Variants in CDK14 observed in about 807,000 individuals in gnomAD.
CDK14 encodes cyclin dependent kinase 14, also known as cyclin-dependent kinase 14.
A neutral mutation model predicts 60.7 loss-of-function variants in CDK14; 34 were observed. The ratio of observed to expected loss-of-function variants is 0.56; its 90% CI spans 0.43 to 0.75. The LOEUF (loss-of-function observed/expected upper bound fraction) is 0.75. CDK14 is among the 30% of genes least tolerant of loss of function. The probability of loss-of-function intolerance (pLI) is 0.00; values close to 1 mark genes in which losing one functional copy is unlikely to be tolerated. For synonymous variants in CDK14, 197 were observed against 203.7 expected (o/e 0.97, Z 0.28); for missense variants, 482 against 564.1 (o/e 0.85, Z 1.47).
At chr7:91,135,951 C>A (rs2115574717) in intron 14 of CDK14, among the ~76,000 whole-genome samples, 1 of 152,190 alleles carries the variant, frequency 6.6e-6, no homozygotes, top group South Asian at 2.1e-4. Context: ...TAAAACCAAC[C>A]TACACTTGTG....
At chr7:90,770,918 C>G (rs2116891819) in intron 4 of CDK14, among the ~76,000 whole-genome samples, 1 of 152,330 alleles carries the variant, frequency 6.6e-6, no homozygotes, top group East Asian at 1.9e-4. Flanking sequence ...CCTTGGCCCC[C>G]ATCCTTGACA....
chr7:91,034,583 A>G (rs1796858501), intron 10 of CDK14, among the ~76,000 whole-genome samples: 1 of 152,106 alleles, frequency 6.6e-6, no homozygotes, highest in Non-Finnish European at 1.5e-5. Context: ...CCTTCAATCC[A>G]TCACCTGCAG....
chr7:91,108,177 G>A (rs1460359854), intron 12 of CDK14, among the ~76,000 whole-genome samples: 1 of 152,146 alleles, frequency 6.6e-6, no homozygotes, highest in South Asian at 2.1e-4. Flanking sequence ...GCATGGTGGC[G>A]CAAGCCTGTA....
intron 2 of CDK14, among the ~76,000 whole-genome samples, chr7:90,725,280 A>G (rs1460019067): frequency 1.3e-5 from 2 of 152,138 alleles, no homozygotes; most frequent in East Asian, 3.8e-4. Flanking sequence ...GAGATATCTG[A>G]TGTTAATAGT....
chr7:90,733,985 C>T (rs1314229904), intron 3 of CDK14, among the ~76,000 whole-genome samples: 1 of 152,126 alleles, frequency 6.6e-6, no homozygotes, highest in African/African-American at 2.4e-5. Flanking sequence ...CCTTCAGGAG[C>T]TCTTGTAAGG....
At position 90,978,875 on chromosome 7, in the gene CDK14, A is replaced by G. The variant is rs6958736; in HGVS notation, c.948-5273A>G. ...AGATCATATTTAAGAGATTATTTCTATTATTTACAAATAATCATGATATAT... is the reference window on the plus strand; with the variant it reads ...AGATCATATTTAAGAGATTATTTCTGTTATTTACAAATAATCATGATATAT... On this transcript the variant is annotated intron_variant, in intron 9 of 14. Transcript: ENST00000380050. 9.9e-3 allele frequency among the ~76,000 whole-genome samples: 1,505 copies of G among 152,312 alleles called. 25 individuals are homozygous for G. The highest frequency in any genetic ancestry group is 0.033 in the African/African-American group (1,382 of 41,572).
intron 12 of CDK14, among the ~76,000 whole-genome samples, chr7:91,097,050 G>A (rs186082082): frequency 1.5e-3 from 227 of 152,246 alleles, no homozygotes; most frequent in Admixed American, 3.4e-3. Context: ...ATGGACTTGA[G>A]TAAAATTCAG....
At chr7:91,060,775 A>G (rs980612873) in intron 11 of CDK14, among the ~76,000 whole-genome samples, 5 of 152,238 alleles carry the variant, frequency 3.3e-5, no homozygotes, top group African/African-American at 9.6e-5. Context: ...ATCAGCTGTT[A>G]GTATGATGGG....
At chr7:90,746,604 C>T (rs997811519) in intron 3 of CDK14, among the ~76,000 whole-genome samples, 4 of 151,900 alleles carry the variant, frequency 2.6e-5, no homozygotes, top group African/African-American at 9.7e-5. Context: ...TGGTATTACC[C>T]TTTTATATAA....
intron 10 of CDK14, among the ~76,000 whole-genome samples, chr7:91,001,042 T>G (rs1165402454): frequency 2.0e-5 from 3 of 151,734 alleles, no homozygotes; most frequent in African/African-American, 7.3e-5. Context: ...ATTGTTACTG[T>G]TTTTTTTGTC....
chr7:90,757,356 T>C (rs1464581933), intron 4 of CDK14, among the ~76,000 whole-genome samples: 1 of 113,116 alleles, frequency 8.8e-6, no homozygotes, highest in African/African-American at 3.1e-5. Context: ...CCTCCATAAA[T>C]GACTCATTTC....
chr7:90,805,998 G>C (rs1422120941), intron 5 of CDK14, among the ~76,000 whole-genome samples: 1 of 152,172 alleles, frequency 6.6e-6, no homozygotes, highest in Non-Finnish European at 1.5e-5. Flanking sequence ...CCTGACATTT[G>C]TGGGCAGTTG....
chr7:90,742,317 A>AT (rs1803379072), intron 3 of CDK14, among the ~76,000 whole-genome samples: 1 of 151,860 alleles, frequency 6.6e-6, no homozygotes, highest in Non-Finnish European at 1.5e-5. Context: ...TGGGTAATTA[A>AT]TTTTTTCTAG....
intron 4 of CDK14, among the ~76,000 whole-genome samples, chr7:90,761,662 C>T (rs529519988): frequency 6.6e-6 from 1 of 152,318 alleles, no homozygotes; most frequent in South Asian, 2.1e-4. Flanking sequence ...GGTGGTGTCA[C>T]TGGCATGTAG....
At chr7:90,844,754 A>G (rs912387141) in intron 5 of CDK14, among the ~76,000 whole-genome samples, 5 of 152,186 alleles carry the variant, frequency 3.3e-5, no homozygotes, top group Non-Finnish European at 7.3e-5. Flanking sequence ...AACTTCTCAT[A>G]TTAGAAAGTT....
At chr7:91,061,380 G>A (rs546688302) in intron 11 of CDK14, among the ~76,000 whole-genome samples, 1 of 152,314 alleles carries the variant, frequency 6.6e-6, no homozygotes, top group South Asian at 2.1e-4. Flanking sequence ...TTGATCGTCT[G>A]AAGCCTTCTT....
chr7:91,107,785 T>C (rs1375930513), intron 12 of CDK14: 1 of 152,236 alleles, frequency 6.6e-6, no homozygotes, highest in Non-Finnish European at 1.5e-5. Context: ...GAAACAACTC[T>C]TGCAGTAAAT....
chr7:91,144,207 G>A (rs766450298), intron 14 of CDK14, among the ~76,000 whole-genome samples: 7 of 152,158 alleles, frequency 4.6e-5, no homozygotes, highest in African/African-American at 7.2e-5. Flanking sequence ...CTGTTACTGA[G>A]AAGCTCCAGA....
chr7:90,757,715 C>A (rs1346359895), intron 4 of CDK14, among the ~76,000 whole-genome samples: 2 of 152,036 alleles, frequency 1.3e-5, no homozygotes, highest in Non-Finnish European at 2.9e-5. Context: ...ATTCTCATGC[C>A]TCAGCACCCC....
Sources: gnomAD v4.1 joint callset for allele counts (sites outside exome capture counted in the v4.1 genomes callset) on GRCh38, gnomAD v4.1.1 for gene constraint, MANE v1.5 for transcripts, NCBI Gene and HGNC (gene_info 2026-07-23, HGNC 2026-07-21) for gene names.